SFMBT1: variants seen among roughly 807,000 people sequenced by gnomAD.
SFMBT1 encodes the protein scm-like with four MBT domains protein 1.
SFMBT1 carries 32 observed loss-of-function variants against 108.7 expected under a neutral mutation model. That is an observed-to-expected ratio of 0.29 (90% CI 0.22 to 0.40). SFMBT1 has a LOEUF of 0.40. SFMBT1 is among the 10% of genes least tolerant of loss of function. The pLI, the probability that SFMBT1 is intolerant of heterozygous loss-of-function variation, is 1.00. For synonymous variants in SFMBT1, 348 were observed against 369.5 expected (o/e 0.94, Z 0.67); for missense variants, 816 against 1,059.6 (o/e 0.77, Z 3.19).
chr3:53,003,570 G>A (rs909404973), intron 1 of SFMBT1, among the ~76,000 whole-genome samples: 5 of 149,638 alleles, frequency 3.3e-5, no homozygotes, highest in African/African-American at 1.2e-4. Context: ...ATGATAAAAA[G>A]TAAGCCAAAA....
intron 4 of SFMBT1, among the ~76,000 whole-genome samples, chr3:52,939,736 G>C (rs1703124967): frequency 6.6e-6 from 1 of 151,690 alleles, no homozygotes; most frequent in Non-Finnish European, 1.5e-5. Context: ...TTCTTTGTTT[G>C]GTTTTTATTT....
chr3:53,000,780 C>G (rs1226528506), intron 1 of SFMBT1, among the ~76,000 whole-genome samples: 1 of 149,986 alleles, frequency 6.7e-6, no homozygotes, highest in Non-Finnish European at 1.5e-5. Flanking sequence ...AACACCCCTT[C>G]TAGGAATTTA....
chr3:53,041,145 T>A (rs559629909), intron 1 of SFMBT1, among the ~76,000 whole-genome samples: 5 of 151,960 alleles, frequency 3.3e-5, no homozygotes, highest in Admixed American at 3.3e-4. Flanking sequence ...TTAAATAAAT[T>A]CCTTGAGTGA....
At chr3:52,972,257 G>C (rs964439965) in intron 1 of SFMBT1, among the ~76,000 whole-genome samples, 3 of 152,212 alleles carry the variant, frequency 2.0e-5, no homozygotes, top group Admixed American at 1.3e-4. Context: ...ATTAAGTGGA[G>C]AGATGCAAGT....
intron 8 of SFMBT1, chr3:52,928,551 C>A: frequency 3.2e-6 from 1 of 315,468 alleles, no homozygotes; most frequent in Non-Finnish European, 5.8e-6. Context: ...ATCTTAACAA[C>A]TGAATGAGGT....
At chr3:52,953,982 G>A (rs1044374805) in intron 3 of SFMBT1, among the ~76,000 whole-genome samples, 5 of 152,010 alleles carry the variant, frequency 3.3e-5, no homozygotes, top group South Asian at 2.1e-4. Context: ...AAAAATAGCC[G>A]GGCGTGGTGG....
intron 4 of SFMBT1, among the ~76,000 whole-genome samples, chr3:52,936,916 C>CA: frequency 8.7e-6 from 1 of 115,606 alleles, no homozygotes; most frequent in East Asian, 2.7e-4. Context: ...TTTTTTGAGA[C>CA]AGAGTCTTGC....
At chr3:52,907,471 A>G in intron 18 of SFMBT1, 84 bp downstream of exon 18, 4 of 1,530,360 alleles carry the variant, frequency 2.6e-6, no homozygotes, top group Non-Finnish European at 1.7e-6. Flanking sequence ...TGAGTTAGAA[A>G]GACCTGCAGG....
intron 4 of SFMBT1, among the ~76,000 whole-genome samples, chr3:52,941,271 C>T (rs984478854): frequency 1.3e-5 from 2 of 152,136 alleles, no homozygotes; most frequent in Non-Finnish European, 2.9e-5. Flanking sequence ...CTGAATGTAA[C>T]ACATGATCTG....
At chr3:52,986,971 T>A (rs1704943702) in intron 1 of SFMBT1, among the ~76,000 whole-genome samples, 1 of 152,062 alleles carries the variant, frequency 6.6e-6, no homozygotes, top group South Asian at 2.1e-4. Context: ...TATATCCTTA[T>A]TCTATAACTT....
chr3:52,950,773 T>C (rs1413789864), intron 3 of SFMBT1, among the ~76,000 whole-genome samples: 2 of 151,956 alleles, frequency 1.3e-5, no homozygotes, highest in East Asian at 3.9e-4. Flanking sequence ...CGTGCCCGGC[T>C]GCTGTCATTA....
chr3:52,945,975 A>C (rs960118179), intron 3 of SFMBT1, among the ~76,000 whole-genome samples: 1 of 152,198 alleles, frequency 6.6e-6, no homozygotes, highest in Non-Finnish European at 1.5e-5. Context: ...CAGTGAAAAA[A>C]TCTGGCAGAT....
At chr3:52,906,819 CTTTT>C (rs1559505697) in intron 19 of SFMBT1, among the ~76,000 whole-genome samples, 1 of 152,070 alleles carries the variant, frequency 6.6e-6, no homozygotes, top group Non-Finnish European at 1.5e-5. Context: ...AGCAATGGGG[CTTTT>C]TTTGTTGTTG....
At chr3:52,963,993 T>G (rs921616043) in intron 2 of SFMBT1, among the ~76,000 whole-genome samples, 1 of 152,022 alleles carries the variant, frequency 6.6e-6, no homozygotes, top group Non-Finnish European at 1.5e-5. Flanking sequence ...AAGAAAAAAC[T>G]TTGTAACCCT....
intron 3 of SFMBT1, among the ~76,000 whole-genome samples, chr3:52,949,886 A>G (rs62253606): frequency 0.27 from 40,971 of 152,030 alleles, 6,076 homozygotes; most frequent in Middle Eastern, 0.41. Flanking sequence ...CTTGCTTTGA[A>G]GTCAGCTCTG....
intron 1 of SFMBT1, among the ~76,000 whole-genome samples, chr3:53,013,615 C>CTTTTT (rs397989629): frequency 3.1e-4 from 18 of 58,100 alleles, no homozygotes; most frequent in Admixed American, 7.8e-4. Flanking sequence ...TATAAAGAAT[C>CTTTTT]TTTTTTTTTT....
chr3:53,005,868 G>GA (rs1698722011), intron 1 of SFMBT1, among the ~76,000 whole-genome samples: 1 of 152,196 alleles, frequency 6.6e-6, no homozygotes, highest in Non-Finnish European at 1.5e-5. Context: ...GGACATGCAT[G>GA]AAGGGGCAGT....
intron 9 of SFMBT1, among the ~76,000 whole-genome samples, chr3:52,927,897 G>A (rs1702707386): frequency 6.6e-6 from 1 of 152,182 alleles, no homozygotes; most frequent in Non-Finnish European, 1.5e-5. Context: ...GGACTAAGGA[G>A]CCAGCACGAA....
intron 3 of SFMBT1, among the ~76,000 whole-genome samples, chr3:52,953,915 G>A (rs549765958): frequency 6.1e-4 from 92 of 152,052 alleles, no homozygotes; most frequent in Non-Finnish European, 1.1e-3. Context: ...GGATCACGCG[G>A]TCAGGAGATC....
Sources: gnomAD v4.1 joint callset for allele counts (sites outside exome capture counted in the v4.1 genomes callset) on GRCh38, gnomAD v4.1.1 for gene constraint, MANE v1.5 for transcripts, NCBI Gene and HGNC (gene_info 2026-07-23, HGNC 2026-07-21) for gene names.